The following LGR5 variants were observed in gnomAD, a reference collection of about 807,000 sequenced individuals.
LGR5 encodes the protein leucine rich repeat containing G protein-coupled receptor 5.
A neutral mutation model predicts 76.7 loss-of-function variants in LGR5; 54 were observed. The observed-to-expected ratio is 0.70, with a 90% CI of 0.57 to 0.88. LGR5 has a LOEUF of 0.88. LGR5 is among the 40% of genes least tolerant of loss of function. LGR5 has a pLI of 0.00. For synonymous variants in LGR5, 406 were observed against 421.9 expected, an observed-to-expected ratio of 0.96 and a Z score of 0.46; for missense variants, 1,078 against 1,073.3, an observed-to-expected ratio of 1.00 and a Z score of -0.06.
At chr12:71,526,308 C>T (rs564414746) in intron 3 of LGR5, among the ~76,000 whole-genome samples, 8 of 152,268 alleles carry the variant, frequency 5.3e-5, no homozygotes, top group African/African-American at 1.7e-4. Flanking sequence ...AATGCTCCTG[C>T]ACACACTTTG....
chr12:71,572,985 C>G, intron 13 of LGR5, 64 bp downstream of exon 13: 1 of 1,209,630 alleles, frequency 8.3e-7, no homozygotes, highest in Non-Finnish European at 1.2e-6. Context: ...GGGGCCTTCC[C>G]CTAATGTTTT....
At chr12:71,458,012 C>T (rs1036967808) in intron 1 of LGR5, among the ~76,000 whole-genome samples, 1 of 151,988 alleles carries the variant, frequency 6.6e-6, no homozygotes, top group African/African-American at 2.4e-5. Context: ...TCAGTAGTGC[C>T]GCCTCCTCCT....
chr12:71,495,086 G>GGGGA (rs1400724032), intron 1 of LGR5, among the ~76,000 whole-genome samples: 2 of 150,644 alleles, frequency 1.3e-5, no homozygotes, highest in Non-Finnish European at 2.9e-5. Flanking sequence ...GTCGGGGGGG[G>GGGGA]TCTCCTTTGA....
intron 1 of LGR5, among the ~76,000 whole-genome samples, chr12:71,476,153 C>T (rs1873326173): frequency 6.6e-6 from 1 of 152,126 alleles, no homozygotes; most frequent in Admixed American, 6.5e-5. Flanking sequence ...TCCAGTGGTT[C>T]GCTGGAACAC....
At chr12:71,579,064 CT>C (rs1878983753) in intron 15 of LGR5, 135 bp downstream of exon 15, 1 of 719,806 alleles carries the variant, frequency 1.4e-6, no homozygotes, top group East Asian at 3.0e-5. Context: ...TCTCCTAACC[CT>C]GGAGCATTGT....
intron 1 of LGR5, among the ~76,000 whole-genome samples, chr12:71,500,927 T>C (rs1002004452): frequency 6.6e-6 from 1 of 152,250 alleles, no homozygotes; most frequent in Non-Finnish European, 1.5e-5. Context: ...TTGACCATCT[T>C]GTCACAACGG....
intron 3 of LGR5, among the ~76,000 whole-genome samples, chr12:71,525,109 T>C (rs938152957): frequency 1.3e-5 from 2 of 152,168 alleles, no homozygotes; most frequent in African/African-American, 2.4e-5. Context: ...TCTTTTAGTT[T>C]GTTCTGTGTA....
intron 11 of LGR5, among the ~76,000 whole-genome samples, chr12:71,567,897 T>C (rs1482949362): frequency 6.6e-6 from 1 of 151,968 alleles, no homozygotes; most frequent in Admixed American, 6.6e-5. Context: ...AAGAAAGCAG[T>C]ATTAGAGAAT....
At chr12:71,503,196 G>T (rs1217352557) in intron 1 of LGR5, among the ~76,000 whole-genome samples, 2 of 152,098 alleles carry the variant, frequency 1.3e-5, no homozygotes, top group African/African-American at 4.8e-5. Flanking sequence ...TAATGACTGT[G>T]CTATTTCACA....
At chr12:71,487,882 T>C (rs1027154802) in intron 1 of LGR5, among the ~76,000 whole-genome samples, 2 of 152,202 alleles carry the variant, frequency 1.3e-5, no homozygotes, top group African/African-American at 4.8e-5. Flanking sequence ...TGCGTAAGGA[T>C]AAATTAGCAG....
intron 8 of LGR5, among the ~76,000 whole-genome samples, 168 bp from the exon 9 acceptor site, chr12:71,566,236 T>C (rs1373324420): frequency 6.6e-6 from 1 of 152,120 alleles, no homozygotes; most frequent in Non-Finnish European, 1.5e-5. Flanking sequence ...ATACTGCGAG[T>C]CAAAACACTT....
chr12:71,463,201 C>T (rs1872742275), intron 1 of LGR5, among the ~76,000 whole-genome samples: 1 of 152,088 alleles, frequency 6.6e-6, no homozygotes, highest in African/African-American at 2.4e-5. Context: ...GTTCACATTC[C>T]TGGGTACCAC....
Position 71,559,577 on chromosome 12 carries a change from C to T in LGR5, c.717-9C>T. On this transcript the variant is annotated splice_polypyrimidine_tract_variant and intron_variant, in intron 6 of 17. Transcript: ENST00000266674. Reference sequence around the variant, plus strand: ...TAAAAAACTGAAAATACTATGTACTCATTTTCAGAGATTTAAATTACAATA... The same window carrying T: ...TAAAAAACTGAAAATACTATGTACTTATTTTCAGAGATTTAAATTACAATA... 6.9e-7 allele frequency: 1 copy of T among 1,452,240 alleles called. No individual in the cohort carries two copies. Among genetic ancestry groups the T allele is most frequent in the Non-Finnish European group, 9.7e-7 (1 of 1,033,764 alleles). The allele number at this position is 1,452,240 out of a possible 1,614,324, so 90.0% of individuals were successfully genotyped here.
intron 17 of LGR5, among the ~76,000 whole-genome samples, chr12:71,583,051 A>T (rs915895788): frequency 2.7e-5 from 4 of 148,558 alleles, no homozygotes; most frequent in African/African-American, 9.9e-5. Context: ...AAGAGATGGG[A>T]AGGGAGGGGA....
chr12:71,533,395 G>A (rs1345307451), intron 3 of LGR5, among the ~76,000 whole-genome samples: 2 of 152,110 alleles, frequency 1.3e-5, no homozygotes, highest in Non-Finnish European at 2.9e-5. Flanking sequence ...ATTTAGCACA[G>A]CATGGGGTAG....
chr12:71,508,520 C>A (rs540337913), intron 2 of LGR5, among the ~76,000 whole-genome samples: 9 of 152,064 alleles, frequency 5.9e-5, no homozygotes, highest in Non-Finnish European at 1.3e-4. Flanking sequence ...CTTTGGGAGG[C>A]CAAGGTGGGT....
At chr12:71,495,381 A>G (rs1379651219) in intron 1 of LGR5, among the ~76,000 whole-genome samples, 2 of 151,248 alleles carry the variant, frequency 1.3e-5, no homozygotes, top group Non-Finnish European at 2.9e-5. Flanking sequence ...ACTAGAGTTA[A>G]GTTTAATTTC....
chr12:71,495,962 G>A (rs1159896210), intron 1 of LGR5, among the ~76,000 whole-genome samples: 1 of 152,136 alleles, frequency 6.6e-6, no homozygotes, highest in Non-Finnish European at 1.5e-5. Flanking sequence ...TGCAAAAAAA[G>A]GGTATCCTGA....
At position 71,533,302 on chromosome 12, in the gene LGR5, G is replaced by A. The variant is rs188483962; in HGVS notation, c.357-1813G>A. Among the ~76,000 whole-genome samples, 12 of 152,192 alleles carry A rather than the reference G, an allele frequency of 7.9e-5. No homozygotes were observed. In the East Asian group the frequency reaches 1.5e-3, roughly 20 times the overall value. On this transcript the variant is annotated intron_variant, in intron 3 of 17. Transcript: ENST00000266674. The stretch of plus-strand genomic sequence containing the variant: ...AGAGGTTGCAGTGGGCCGAGATTGC[G>A]CCACTGCACTCCAGCCTGGTGACAG...
Sources: allele counts gnomAD v4.1 joint callset (sites outside exome capture counted in the v4.1 genomes callset), GRCh38; gene constraint gnomAD v4.1.1; transcripts MANE v1.5; gene names NCBI Gene and HGNC (gene_info 2026-07-23, HGNC 2026-07-21).